The following BCAR3 variants were observed in gnomAD, a reference collection of about 807,000 sequenced individuals.
BCAR3 encodes breast cancer anti-estrogen resistance protein 3.
In BCAR3, 37 loss-of-function variants were observed where a neutral mutation model predicts 80.1. The observed-to-expected ratio is 0.46, with a 90% CI of 0.36 to 0.61. BCAR3 has a LOEUF of 0.61. BCAR3 is among the 20% of genes least tolerant of loss of function. The probability of loss-of-function intolerance (pLI) is 0.00; values close to 1 mark genes in which losing one functional copy is unlikely to be tolerated. For synonymous variants in BCAR3, 389 were observed against 418.9 expected (o/e 0.93, Z 0.87); for missense variants, 978 against 1,068.2 (o/e 0.92, Z 1.18).
intron 3 of BCAR3, chr1:93,599,687 G>A (rs1417283865): frequency 6.6e-6 from 1 of 152,198 alleles, no homozygotes. Context: ...AGCCCTTAGG[G>A]TCGGTGCCTG....
intron 3 of BCAR3, among the ~76,000 whole-genome samples, chr1:93,630,461 TAA>T (rs770124680): frequency 1.4e-4 from 19 of 137,590 alleles, no homozygotes; most frequent in Admixed American, 2.9e-4. Flanking sequence ...ACCAGGTCTC[TAA>T]AAAAAAAAAA....
At chr1:93,810,227 T>C (rs922158236) in intron 2 of BCAR3, among the ~76,000 whole-genome samples, 1 of 151,350 alleles carries the variant, frequency 6.6e-6, no homozygotes. Flanking sequence ...TGTTAGAAGT[T>C]ATCTCCAGGT....
Position 93,582,790 on chromosome 1 carries a change from C to T in BCAR3, c.1197G>A (p.Leu399=), listed in dbSNP as rs1673770458. The part of the protein sequence containing the change: ...GEALRGSDSQ[L]CPKPPPKPCK... ...AGGGCTTAGGCGGGGGCTTAGGGCACAGTTGACTGTCTGATCCCCTCAGCG... is the reference window on the plus strand; with the variant it reads ...AGGGCTTAGGCGGGGGCTTAGGGCATAGTTGACTGTCTGATCCCCTCAGCG... The change falls in exon 7 of 12, where the codon CTG becomes CTA. Residue 399 remains leucine (L), a synonymous_variant. Coordinates refer to ENST00000260502, the MANE Select transcript of BCAR3 (RefSeq NM_003567.4). 6.2e-7 allele frequency: 1 copy of T among 1,614,058 alleles called. No homozygotes were observed. Among genetic ancestry groups the T allele is most frequent in the Non-Finnish European group, 8.5e-7 (1 of 1,180,030 alleles).
At chr1:93,649,985 T>C (rs1175953941) in intron 2 of BCAR3, among the ~76,000 whole-genome samples, 1 of 151,712 alleles carries the variant, frequency 6.6e-6, no homozygotes, top group Admixed American at 6.6e-5. Context: ...CTCCATTCCA[T>C]TCATACTATT....
intron 2 of BCAR3, among the ~76,000 whole-genome samples, chr1:93,820,008 A>G (rs1654160151): frequency 6.6e-6 from 1 of 152,162 alleles, no homozygotes; most frequent in South Asian, 2.1e-4. Flanking sequence ...ATAAATGAGA[A>G]CATGTGGTAT....
Position 93,642,330 on chromosome 1 carries a change from GAAGATGTGGATCCCTGA to G in BCAR3, c.318-4_330del. On this transcript the variant is annotated splice_acceptor_variant and splice_polypyrimidine_tract_variant and coding_sequence_variant and intron_variant, in exon 3 of 12. Coordinates refer to ENST00000260502, the MANE Select transcript of BCAR3 (RefSeq NM_003567.4). LOFTEE classifies it high-confidence loss of function. ...TTCACATATTCCACAGTTGGGTCCA[GAAGATGTGGATCCCTGA>G]AAAGAGAAAATATAAATATGAGAAT... 6.2e-7 allele frequency: 1 copy of G among 1,613,588 alleles called. No individual in the cohort carries two copies. Among genetic ancestry groups the G allele is most frequent in the Non-Finnish European group, 8.5e-7 (1 of 1,179,480 alleles).
At chr1:93,774,584 A>G (rs1652477753) in intron 2 of BCAR3, among the ~76,000 whole-genome samples, 1 of 152,124 alleles carries the variant, frequency 6.6e-6, no homozygotes, top group Non-Finnish European at 1.5e-5. Flanking sequence ...CATAGCCTGT[A>G]CTGAGACAGT....
chr1:93,592,295 A>T lies in BCAR3; in HGVS notation c.456T>A (p.His152Gln). 1 of 1,612,712 alleles carries T rather than the reference A, an allele frequency of 6.2e-7. No individual in the cohort carries two copies. Among genetic ancestry groups the T allele is most frequent in the Non-Finnish European group, 8.5e-7 (1 of 1,179,982 alleles). The change falls in exon 4 of 12, where the codon CAT becomes CAA. Residue 152 changes from histidine (H) to glutamine (Q), a missense_variant. His to Gln is a conservative substitution (Grantham distance 24). Transcript: ENST00000260502. This position sits in a 1 kb window ranked among gnomAD's most constrained non-coding sequence, Gnocchi z 4.8. ...LLLSSEDLRSHAWYHGRIPRQ... is the reference protein window; with the variant it reads ...LLLSSEDLRSQAWYHGRIPRQ... ...GGGGGATGCGGCCGTGGTACCAGGC[A>T]TGGCTGCGCAGGTCCTCGCTGCTCA...
At chr1:93,780,796 C>T (rs1237131214) in intron 2 of BCAR3, among the ~76,000 whole-genome samples, 1 of 152,128 alleles carries the variant, frequency 6.6e-6, no homozygotes, top group Non-Finnish European at 1.5e-5. Flanking sequence ...AGTAAAAAAC[C>T]TCACTGATAC....
At chr1:93,698,727 T>A (rs924493984) in intron 3 of BCAR3, among the ~76,000 whole-genome samples, 2 of 152,216 alleles carry the variant, frequency 1.3e-5, no homozygotes, top group Non-Finnish European at 2.9e-5. Context: ...AGCATCAACC[T>A]TCGCTGCTAA....
chr1:93,662,623 A>G (rs1190863724), intron 2 of BCAR3, among the ~76,000 whole-genome samples: 1 of 152,152 alleles, frequency 6.6e-6, no homozygotes, highest in Non-Finnish European at 1.5e-5. Context: ...CTGTATTATC[A>G]TCTAGCCTGA....
At chr1:93,692,016 A>C (rs6660740) in intron 3 of BCAR3, among the ~76,000 whole-genome samples, 43,864 of 152,158 alleles carry the variant, frequency 0.29, 9,370 homozygotes, top group African/African-American at 0.61. Context: ...AAGTTAAATA[A>C]TGTTTCTAAA....
intron 2 of BCAR3, among the ~76,000 whole-genome samples, chr1:93,788,291 T>C (rs1010191434): frequency 2.6e-5 from 4 of 152,234 alleles, no homozygotes; most frequent in Non-Finnish European, 5.9e-5. Flanking sequence ...GTGGAGCTTT[T>C]AGAACTTCTC....
At chr1:93,692,807 C>T (rs1320018905) in intron 3 of BCAR3, among the ~76,000 whole-genome samples, 1 of 152,142 alleles carries the variant, frequency 6.6e-6, no homozygotes. Flanking sequence ...TTAAGAGAAG[C>T]AAGCAAGCTG....
At chr1:93,817,121 G>T (rs1036594514) in intron 2 of BCAR3, among the ~76,000 whole-genome samples, 2 of 152,178 alleles carry the variant, frequency 1.3e-5, no homozygotes, top group Non-Finnish European at 2.9e-5. Context: ...CACTGTTCTG[G>T]TAACAGGAAT....
At chr1:93,683,525 G>A (rs6541389), upstream of BCAR3, among the ~76,000 whole-genome samples, 45,476 of 152,030 alleles carry the variant, frequency 0.3, 10,364 homozygotes, top group African/African-American at 0.65. Context: ...ATCTCTTTAT[G>A]ACGGCCAAAA....
rs116178871 is a variant in BCAR3, at chr1:93,588,894, T to C, written c.929+83A>G. On this transcript the variant is annotated intron_variant, in intron 5 of 11. Coordinates refer to ENST00000260502, the MANE Select transcript of BCAR3 (RefSeq NM_003567.4). ...CTATTAACATCTTTTATTTCTTTGT[T>C]CCATGATGAATTCTTCACCTGCCTA... 353 of 1,377,360 alleles carry C rather than the reference T, an allele frequency of 2.6e-4. No individual in the cohort carries two copies. The African/African-American group carries it at 4.9e-3, about 19-fold the overall frequency. 85.3% of individuals were successfully genotyped at this position (1,377,360 alleles called of 1,614,324 possible).
chr1:93,691,094 C>T (rs750228822), intron 3 of BCAR3, among the ~76,000 whole-genome samples: 2 of 152,170 alleles, frequency 1.3e-5, no homozygotes, highest in Non-Finnish European at 2.9e-5. Context: ...TATGGAGCCT[C>T]AGGGATTGCC....
At chr1:93,819,559 T>A (rs1234769401) in intron 2 of BCAR3, among the ~76,000 whole-genome samples, 1 of 152,228 alleles carries the variant, frequency 6.6e-6, no homozygotes, top group Non-Finnish European at 1.5e-5. Context: ...TTTTATTTTT[T>A]ATTTTTTGAG....
Sources: allele counts gnomAD v4.1 joint callset (sites outside exome capture counted in the v4.1 genomes callset), GRCh38; gene constraint gnomAD v4.1.1; non-coding constraint Gnocchi (gnomAD v3.1); transcripts MANE v1.5; gene names NCBI Gene and HGNC (gene_info 2026-07-23, HGNC 2026-07-21).